The following APOOL variants were observed in gnomAD, a reference collection of about 807,000 sequenced individuals.
APOOL encodes apolipoprotein O like.
In APOOL, 12 loss-of-function variants were observed where a neutral mutation model predicts 23.1. The observed-to-expected ratio is 0.52, with a 90% CI of 0.33 to 0.84. The LOEUF (loss-of-function observed/expected upper bound fraction) is 0.84, where lower values mean the gene tolerates loss of function less well. APOOL is among the 40% of genes least tolerant of loss of function. APOOL has a pLI of 0.02. For missense variants in APOOL, 212 were observed against 199.6 expected, an observed-to-expected ratio of 1.06 and a Z score of -0.37; for synonymous variants, 77 against 69.9, an observed-to-expected ratio of 1.10 and a Z score of -0.51.
intron 3 of APOOL, among the ~76,000 whole-genome samples, chrX:85,053,744 T>G (rs1406707638): frequency 8.9e-6 from 1 of 111,911 alleles, no homozygotes; most frequent in Non-Finnish European, 1.9e-5. Context: ...GCTTTAAAAC[T>G]TTAATTCCTC....
At chrX:85,027,315 C>T (rs911408839) in intron 1 of APOOL, among the ~76,000 whole-genome samples, 1 of 111,058 alleles carries the variant, frequency 9.0e-6, no homozygotes. Flanking sequence ...CTGCCATGAC[C>T]CAAACACCTC....
At chrX:85,060,342 G>C (rs1257081300) in intron 5 of APOOL, among the ~76,000 whole-genome samples, 1 of 106,269 alleles carries the variant, frequency 9.4e-6, no homozygotes, top group African/African-American at 3.4e-5. Context: ...TTTGGCTTAG[G>C]ATTGACTTGG....
At chrX:85,085,577 C>T (rs767418981) in intron 8 of APOOL, among the ~76,000 whole-genome samples, 7 of 111,973 alleles carry the variant, frequency 6.3e-5, no homozygotes, top group Non-Finnish European at 1.3e-4. Flanking sequence ...ATTCCAATTT[C>T]TCTCCTTTGT....
chrX:85,042,372 C>T (rs1479702014), intron 1 of APOOL, among the ~76,000 whole-genome samples: 1 of 111,437 alleles, frequency 9.0e-6, no homozygotes, highest in African/African-American at 3.3e-5. Flanking sequence ...GATAAATTCC[C>T]AGACACACAC....
chrX:85,062,686 C>A (rs747832200), intron 5 of APOOL, among the ~76,000 whole-genome samples: 1 of 109,657 alleles, frequency 9.1e-6, no homozygotes, highest in Admixed American at 9.8e-5. Context: ...TGTAGATGTG[C>A]GGTTTTAGTT....
intron 4 of APOOL, among the ~76,000 whole-genome samples, chrX:85,055,622 C>T (rs1161795964): frequency 1.8e-5 from 2 of 111,333 alleles, no homozygotes; most frequent in South Asian, 3.7e-4. Context: ...AAATCAGCTA[C>T]GGAAGGAAAA....
At chrX:85,046,212 A>C in intron 1 of APOOL, 1 of 280,704 alleles carries the variant, frequency 3.6e-6, no homozygotes, top group Non-Finnish European at 6.3e-6. Context: ...TTATATTGCT[A>C]TATTTCTTAT....
At chrX:85,056,698 A>G (rs1449762640) in intron 5 of APOOL, among the ~76,000 whole-genome samples, 1 of 111,707 alleles carries the variant, frequency 9.0e-6, no homozygotes, top group East Asian at 2.8e-4. Context: ...AGCCAAGATC[A>G]TGCCATTACA....
intron 8 of APOOL, among the ~76,000 whole-genome samples, chrX:85,079,013 A>G (rs1215322189): frequency 1.8e-5 from 2 of 111,529 alleles, no homozygotes; most frequent in Non-Finnish European, 3.8e-5. Flanking sequence ...GGTTTTCTAA[A>G]TATACAATCA....
chrX:85,003,917 C>T lies in APOOL; in HGVS notation c.5C>T (p.Ala2Val). The T allele has an allele frequency of 8.3e-7, 1 of 1,211,406 alleles. No homozygotes were observed. Among genetic ancestry groups the T allele is most frequent in the Non-Finnish European group, 1.1e-6 (1 of 895,227 alleles). The part of the protein sequence containing the change: M[A>V]AIRMGKLTTM... ...TTGGCCGAAAGGGTTGTAGACATGG[C>T]GGCCATCAGGGTAAGCGAAAACCAA... Residue 2 changes from alanine to valine, a missense_variant, in exon 1 of 9, where the codon GCG (alanine) becomes GTG (valine). Coordinates refer to ENST00000373173, the MANE Select transcript of APOOL (RefSeq NM_198450.6).
At chrX:85,022,942 A>G (rs1208184626) in intron 1 of APOOL, among the ~76,000 whole-genome samples, 2 of 111,858 alleles carry the variant, frequency 1.8e-5, no homozygotes, top group Non-Finnish European at 3.8e-5. Flanking sequence ...AGTCCTTACT[A>G]TAATGAGTGA....
chrX:85,016,626 G>T (rs886341618), intron 1 of APOOL, among the ~76,000 whole-genome samples: 1 of 92,105 alleles, frequency 1.1e-5, no homozygotes, highest in South Asian at 7.0e-4. Context: ...CTGCGTTCCT[G>T]TTGGGGAAGC....
At chrX:85,047,181 A>G (rs1409607781) in intron 2 of APOOL, among the ~76,000 whole-genome samples, 2 of 111,620 alleles carry the variant, frequency 1.8e-5, no homozygotes, top group Non-Finnish European at 3.8e-5. Flanking sequence ...AAGCCTTTAA[A>G]TATCAGTTAT....
At chrX:85,084,052 A>G (rs1246861758) in intron 8 of APOOL, among the ~76,000 whole-genome samples, 2 of 110,451 alleles carry the variant, frequency 1.8e-5, no homozygotes, top group African/African-American at 6.6e-5. Flanking sequence ...GGAGTGTAAG[A>G]GAGCCCTTAA....
chrX:85,086,841 A>G (rs1034987888), intron 8 of APOOL, among the ~76,000 whole-genome samples: 1 of 76,723 alleles, frequency 1.3e-5, no homozygotes. Flanking sequence ...CTGGGACTAC[A>G]GGCGCCCGCC....
rs775717201 is a variant in APOOL, at chrX:85,092,451, C to T, written c.*4773C>T. The T allele has an allele frequency of 3.3e-6, 4 of 1,201,051 alleles. No individual in the cohort carries two copies. The highest frequency in any genetic ancestry group is 1.8e-5 in the South Asian group (1 of 54,942). The stretch of plus-strand genomic sequence containing the variant: ...TGTTAAACCTGAAGAGATGCCAGCC[C>T]TCCTCAGAGGAAAGGTCTAAAGCCC... On this transcript the variant is annotated 3_prime_UTR_variant, in exon 9 of 9. Transcript: ENST00000373173.
intron 8 of APOOL, among the ~76,000 whole-genome samples, chrX:85,077,336 C>T (rs996960286): frequency 9.3e-6 from 1 of 107,854 alleles, no homozygotes; most frequent in Non-Finnish European, 1.9e-5. Flanking sequence ...CAATTCCCAC[C>T]TATGAGTGAG....
chrX:85,017,407 C>A (rs1033026093), intron 1 of APOOL, among the ~76,000 whole-genome samples: 1 of 111,707 alleles, frequency 9.0e-6, no homozygotes, highest in Non-Finnish European at 1.9e-5. Flanking sequence ...TCAGACCTGC[C>A]CTGGGCCATA....
intron 1 of APOOL, among the ~76,000 whole-genome samples, chrX:85,015,344 G>T (rs1355772813): frequency 9.1e-6 from 1 of 110,237 alleles, no homozygotes; most frequent in Non-Finnish European, 1.9e-5. Context: ...TTTCTTCTTG[G>T]TTTGGATCCA....
Sources: allele counts gnomAD v4.1 joint callset (sites outside exome capture counted in the v4.1 genomes callset), GRCh38; gene constraint gnomAD v4.1.1; transcripts MANE v1.5; gene names NCBI Gene and HGNC (gene_info 2026-07-23, HGNC 2026-07-21).